The following MCF2L2 variants were observed in gnomAD, a reference collection of about 807,000 sequenced individuals.
The protein encoded by MCF2L2 is probable guanine nucleotide exchange factor MCF2L2.
MCF2L2 carries 102 observed loss-of-function variants against 150.2 expected under a neutral mutation model. That is an observed-to-expected ratio of 0.68 (90% CI 0.58 to 0.80). MCF2L2 has a LOEUF of 0.80. MCF2L2 is among the 30% of genes least tolerant of loss of function. The pLI is 0.00. For missense variants in MCF2L2, 1,256 were observed against 1,372.8 expected, an observed-to-expected ratio of 0.91 and a Z score of 1.34; for synonymous variants, 465 against 491.3, an observed-to-expected ratio of 0.95 and a Z score of 0.71.
At chr3:183,228,047 A>ACACACACACACACACACACACACAC in intron 18 of MCF2L2, 1 of 458,428 alleles carries the variant, frequency 2.2e-6, no homozygotes, top group East Asian at 3.7e-5. Flanking sequence ...ACACACACAC[A>ACACACACACACACACACACACACAC]ATGGTAATGA....
At chr3:183,250,731 C>T (rs1256869087) in intron 15 of MCF2L2, among the ~76,000 whole-genome samples, 3 of 152,058 alleles carry the variant, frequency 2.0e-5, no homozygotes, top group Non-Finnish European at 2.9e-5. Flanking sequence ...GAGAAAGAGG[C>T]GGCGGAGCCA....
At chr3:183,245,725 T>A (rs1346717090) in intron 15 of MCF2L2, among the ~76,000 whole-genome samples, 1 of 152,172 alleles carries the variant, frequency 6.6e-6, no homozygotes, top group Non-Finnish European at 1.5e-5. Context: ...CCTAGAACTG[T>A]TAATGGTAAC....
At chr3:183,207,891 C>T (rs1480368542) in intron 22 of MCF2L2, 68 bp from the exon 23 acceptor site, 2 of 1,214,676 alleles carry the variant, frequency 1.6e-6, no homozygotes, top group East Asian at 4.8e-5. Context: ...GCCTTTGTGG[C>T]CTGTTTTCAA....
intron 21 of MCF2L2, among the ~76,000 whole-genome samples, chr3:183,217,799 G>A (rs573345855): frequency 2.0e-5 from 3 of 152,180 alleles, no homozygotes; most frequent in African/African-American, 7.2e-5. Flanking sequence ...TGCACCTCCC[G>A]AACATAAAGA....
chr3:183,369,465 T>C (rs1712733490), intron 3 of MCF2L2, among the ~76,000 whole-genome samples: 1 of 152,216 alleles, frequency 6.6e-6, no homozygotes, highest in Non-Finnish European at 1.5e-5. Flanking sequence ...CCTCAGATCA[T>C]GCTAATGCTG....
intron 15 of MCF2L2, among the ~76,000 whole-genome samples, chr3:183,247,203 T>C (rs927740060): frequency 6.6e-6 from 1 of 152,176 alleles, no homozygotes; most frequent in African/African-American, 2.4e-5. Flanking sequence ...TTTTATCTAA[T>C]AGTGACAGAG....
chr3:183,281,803 T>C (rs1054927965), intron 14 of MCF2L2, among the ~76,000 whole-genome samples: 1 of 151,800 alleles, frequency 6.6e-6, no homozygotes, highest in African/African-American at 2.4e-5. Context: ...TCAGTGTTCC[T>C]GAGGCTTTGT....
At chr3:183,206,002 T>C (rs367900256) in intron 24 of MCF2L2, 48 bp from the exon 25 acceptor site, 20 of 1,573,326 alleles carry the variant, frequency 1.3e-5, no homozygotes, top group Non-Finnish European at 1.7e-5. Context: ...TGAGTATTAA[T>C]TGCAGAGTTT....
intron 3 of MCF2L2, among the ~76,000 whole-genome samples, chr3:183,357,142 A>G (rs1398544689): frequency 6.6e-6 from 1 of 152,226 alleles, no homozygotes; most frequent in Non-Finnish European, 1.5e-5. Context: ...GTAGCTGAGC[A>G]AAATCTGAAT....
chr3:183,216,578 ATATTTTTTTTTTTTTTTTTT>A (rs1269677551), intron 21 of MCF2L2, among the ~76,000 whole-genome samples: 550 of 6,734 alleles, frequency 0.082, 15 homozygotes, highest in African/African-American at 0.19. Flanking sequence ...ATATATATAT[ATATTTTTTTTTTTTTTTTTT>A]TTTTTTTTTT....
intron 20 of MCF2L2, among the ~76,000 whole-genome samples, chr3:183,221,504 T>C (rs1172278877): frequency 6.6e-6 from 1 of 152,172 alleles, no homozygotes; most frequent in Non-Finnish European, 1.5e-5. Flanking sequence ...GTGTTTCCAA[T>C]GACGATGCCC....
intron 7 of MCF2L2, among the ~76,000 whole-genome samples, chr3:183,316,885 T>C (rs1359188345): frequency 1.3e-5 from 2 of 151,556 alleles, no homozygotes; most frequent in Admixed American, 6.6e-5. Flanking sequence ...TTTATATTTT[T>C]AGTAGAGACA....
Position 183,428,209 on chromosome 3 carries a change from G to C in MCF2L2, c.-232C>G. On this transcript the variant is annotated 5_prime_UTR_variant, in exon 1 of 30. Coordinates refer to ENST00000328913, the MANE Select transcript of MCF2L2 (RefSeq NM_015078.4). This position sits in a 1 kb window ranked among gnomAD's most constrained non-coding sequence, Gnocchi z 5.1. ...TGGCGCTTTCCCAGCGTCGCAGCTG[G>C]ACCGAGAGAGGAGCGGCCGTTCTGC... The C allele has an allele frequency of 2.0e-6, 1 of 509,328 alleles. No individual in the cohort carries two copies. The highest frequency in any genetic ancestry group is 3.6e-5 in the East Asian group (1 of 27,618). 31.6% of individuals were successfully genotyped at this position (509,328 alleles called of 1,614,324 possible).
Position 183,179,611 on chromosome 3 carries a change from GGCT to G in MCF2L2, c.3184_3186del (p.Ser1062del), listed in dbSNP as rs1321039591. The G allele has an allele frequency of 2.5e-6, 4 of 1,614,020 alleles. No individual in the cohort carries two copies. The highest frequency in any genetic ancestry group is 8.5e-7 in the Non-Finnish European group (1 of 1,179,992). On this transcript the variant is annotated inframe_deletion, in exon 29 of 30. Coordinates refer to ENST00000328913, the MANE Select transcript of MCF2L2 (RefSeq NM_015078.4). This position sits in a 1 kb window ranked among gnomAD's most constrained non-coding sequence, Gnocchi z 4.2. Reference sequence around the variant, plus strand: ...TCATCGCGTTCTTCTTTTTCTCCCTGGCTGCTTTCTCCCCTCTCCAGGAAAGCA... The same window carrying G: ...TCATCGCGTTCTTCTTTTTCTCCCTGGCTTTCTCCCCTCTCCAGGAAAGCA...
Position 183,270,837 on chromosome 3 carries a change from G to A in MCF2L2, c.1862+6035C>T. 6.2e-7 allele frequency: 1 copy of A among 1,613,696 alleles called. No homozygotes were observed. Among genetic ancestry groups the A allele is most frequent in the Non-Finnish European group, 8.5e-7 (1 of 1,179,882 alleles). On this transcript the variant is annotated intron_variant, in intron 15 of 29. Transcript: ENST00000328913. The surrounding 1 kb of genome is among the most constrained non-coding windows in gnomAD (Gnocchi z 4.5). Reference sequence around the variant, plus strand: ...TCCTAAAGTAAAAACCATTTCCAAAGGTTTTTTTGGTCAAATATACTGCAG... The same window carrying A: ...TCCTAAAGTAAAAACCATTTCCAAAAGTTTTTTTGGTCAAATATACTGCAG...
At chr3:183,216,659 C>T (rs1722956427) in intron 21 of MCF2L2, among the ~76,000 whole-genome samples, 1 of 131,938 alleles carries the variant, frequency 7.6e-6, no homozygotes, top group South Asian at 2.3e-4. Flanking sequence ...GGCTGGAGTG[C>T]AGAGGCACGA....
Position 183,298,765 on chromosome 3 carries a change from G to GCGCGCGCGCGCGCACACACA in MCF2L2, c.1305+1239_1305+1240insTGTGTGTGCGCGCGCGCGCG. On this transcript the variant is annotated intron_variant, in intron 11 of 29. Transcript: ENST00000328913. ...CCCTCTCTCTCTCTCAAACACACAT[G>GCGCGCGCGCGCGCACACACA]CACACACACACACACACACACACAC... 10 of 138,572 alleles carry GCGCGCGCGCGCGCACACACA rather than the reference G, an allele frequency of 7.2e-5. No homozygotes were observed. In the East Asian group the frequency reaches 9.2e-4, roughly 13 times the overall value. 8.6% of individuals were successfully genotyped at this position (138,572 alleles called of 1,614,324 possible). A position where few individuals can be genotyped will look rare whatever the true frequency, so the allele number is the denominator to read the frequency against.
intron 1 of MCF2L2, among the ~76,000 whole-genome samples, chr3:183,390,515 T>G (rs1714081372): frequency 6.6e-6 from 1 of 152,060 alleles, no homozygotes; most frequent in Non-Finnish European, 1.5e-5. Flanking sequence ...GAAAAGGAAT[T>G]AGAGAGAGGG....
At chr3:183,257,990 C>T (rs1188557050) in intron 15 of MCF2L2, among the ~76,000 whole-genome samples, 4 of 65,768 alleles carry the variant, frequency 6.1e-5, no homozygotes, top group South Asian at 5.4e-4. Context: ...TTTTTTGAGA[C>T]GGAGTCTCGC....
Sources: gnomAD v4.1 joint callset for allele counts (sites outside exome capture counted in the v4.1 genomes callset) on GRCh38, gnomAD v4.1.1 for gene constraint, Gnocchi (gnomAD v3.1) non-coding constraint, MANE v1.5 for transcripts, NCBI Gene and HGNC (gene_info 2026-07-23, HGNC 2026-07-21) for gene names.